Variants in LACTB2 observed in about 807,000 individuals in gnomAD.
LACTB2 encodes the protein endoribonuclease LACTB2.
A neutral mutation model predicts 34.8 loss-of-function variants in LACTB2; 32 were observed. The ratio of observed to expected loss-of-function variants is 0.92; its 90% CI spans 0.69 to 1.24. The LOEUF is 1.24. Ranked by LOEUF, LACTB2 falls within the 50% of genes most tolerant of loss-of-function variation. LACTB2 has a pLI of 0.00. For missense variants in LACTB2, 320 were observed against 345.0 expected, an observed-to-expected ratio of 0.93 and a Z score of 0.57; for synonymous variants, 120 against 117.5, an observed-to-expected ratio of 1.02 and a Z score of -0.14.
At chr8:70,655,921 C>A (rs189784137) in intron 3 of LACTB2, among the ~76,000 whole-genome samples, 9 of 152,012 alleles carry the variant, frequency 5.9e-5, no homozygotes, top group Admixed American at 5.9e-4. Flanking sequence ...TATTGCATTG[C>A]GGTTTTGATT....
At chr8:70,666,337 A>T (rs1197472792) in intron 1 of LACTB2, among the ~76,000 whole-genome samples, 1 of 152,178 alleles carries the variant, frequency 6.6e-6, no homozygotes, top group African/African-American at 2.4e-5. Context: ...ATACAGTCTG[A>T]TGGGTCAGGG....
At chr8:70,639,775 C>A (rs1818172828) in intron 5 of LACTB2, among the ~76,000 whole-genome samples, 1 of 151,758 alleles carries the variant, frequency 6.6e-6, no homozygotes. Flanking sequence ...CCAGTCTGAC[C>A]AACATTGAGA....
chr8:70,662,624 G>A (rs1387156656), intron 1 of LACTB2: 1 of 152,112 alleles, frequency 6.6e-6, no homozygotes, highest in Admixed American at 6.5e-5. Flanking sequence ...ACGATTTTAT[G>A]AGGTGGCCTT....
At chr8:70,640,114 T>C (rs571357047) in intron 5 of LACTB2, among the ~76,000 whole-genome samples, 1 of 152,290 alleles carries the variant, frequency 6.6e-6, no homozygotes, top group African/African-American at 2.4e-5. Context: ...GCATGTTCCA[T>C]GACACCTGGC....
Position 70,637,780 on chromosome 8 carries a change from T to C in LACTB2, c.*80A>G, listed in dbSNP as rs766178179. 145 of 779,022 alleles carry C rather than the reference T, an allele frequency of 1.9e-4. No individual in the cohort carries two copies. The highest frequency in any genetic ancestry group is 2.8e-4 in the Non-Finnish European group (142 of 501,202). The allele number at this position is 779,022 out of a possible 1,614,324, so 48.3% of individuals were successfully genotyped here. A position where few individuals can be genotyped will look rare whatever the true frequency, so the allele number is the denominator to read the frequency against. The stretch of plus-strand genomic sequence containing the variant: ...TTTTTAATGTTTTATACTTTTATAT[T>C]CTCTATAAAATAACCTATAGTTAAG... On this transcript the variant is annotated 3_prime_UTR_variant, in exon 7 of 7. Transcript: ENST00000276590.
At chr8:70,664,603 T>G (rs897476439) in intron 1 of LACTB2, among the ~76,000 whole-genome samples, 2 of 152,112 alleles carry the variant, frequency 1.3e-5, no homozygotes, top group Non-Finnish European at 2.9e-5. Flanking sequence ...AAAAAAGTTC[T>G]GGAATTAATA....
intron 3 of LACTB2, among the ~76,000 whole-genome samples, chr8:70,645,077 CAT>C (rs951764612): frequency 2.0e-5 from 3 of 151,718 alleles, no homozygotes; most frequent in African/African-American, 4.8e-5. Flanking sequence ...CACACACACA[CAT>C]ATACACATAT....
At position 70,661,914 on chromosome 8, in the gene LACTB2, A is replaced by G. The variant is rs757487669; in HGVS notation, c.123-17T>C. 13 of 1,589,294 alleles carry G rather than the reference A, an allele frequency of 8.2e-6. No individual in the cohort carries two copies. The Admixed American group carries it at 2.2e-4, about 27-fold the overall frequency. On this transcript the variant is annotated splice_polypyrimidine_tract_variant and intron_variant, in intron 1 of 6. Coordinates refer to ENST00000276590, the MANE Select transcript of LACTB2 (RefSeq NM_016027.3). ...AGGATTCTCCTGAAAATTAAATGGA[A>G]GATAATCACACAATTGGAACACTGC... is the stretch of plus-strand genomic sequence containing the variant.
At chr8:70,648,621 T>C (rs116213563) in intron 3 of LACTB2, among the ~76,000 whole-genome samples, 3,312 of 151,908 alleles carry the variant, frequency 0.022, 134 homozygotes, top group African/African-American at 0.076. Context: ...AACAAAATAA[T>C]AGGAATTTTA....
At chr8:70,643,208 CTTTTTTTTTTTTTTTTTTTTTTT>C (rs66482767) in intron 4 of LACTB2, among the ~76,000 whole-genome samples, 1 of 76,194 alleles carries the variant, frequency 1.3e-5, no homozygotes, top group Non-Finnish European at 2.5e-5. Flanking sequence ...GTGTATTTTC[CTTTTTTTTTTTTTTTTTTTTTTT>C]TTTTTTTTTT....
Position 70,640,959 on chromosome 8 carries a change from AAAT to A in LACTB2, c.681_683del (p.Leu227del), listed in dbSNP as rs1818189783. 4 of 1,609,192 alleles carry A rather than the reference AAAT, an allele frequency of 2.5e-6. No homozygotes were observed. Among genetic ancestry groups the A allele is most frequent in the Non-Finnish European group, 3.4e-6 (4 of 1,178,554 alleles). ...TAAATGATTTCTCAAAGTTCTCACG[AAAT>A]AATGTAAGAATTTGCTGCTCTCGAA... On this transcript the variant is annotated inframe_deletion, in exon 5 of 7. Coordinates refer to ENST00000276590, the MANE Select transcript of LACTB2 (RefSeq NM_016027.3).
In LACTB2 at chr8:70,669,104, T is replaced by G. The variant is rs774953811; in HGVS notation, c.17A>C (p.Gln6Pro). ...TCGATTGGACAGCCGCTCGACGCGC[T>G]GCAGTACAGCAGCCATTCCCGCCTC... MAAVLQRVERLSNRVV... is the reference protein window; with the variant it reads MAAVLPRVERLSNRVV... The change falls in exon 1 of 7, where the codon CAG (glutamine) becomes CCG (proline). Residue 6 changes from glutamine to proline, a missense_variant. Coordinates refer to ENST00000276590, the MANE Select transcript of LACTB2 (RefSeq NM_016027.3). 3.1e-6 allele frequency: 5 copies of G among 1,609,152 alleles called. No individual in the cohort carries two copies. Among genetic ancestry groups the G allele is most frequent in the Non-Finnish European group, 4.2e-6 (5 of 1,178,266 alleles).
intron 3 of LACTB2, among the ~76,000 whole-genome samples, chr8:70,648,634 A>G (rs1818296801): frequency 6.6e-6 from 1 of 152,188 alleles, no homozygotes; most frequent in Admixed American, 6.5e-5. Context: ...GAATTTTAGT[A>G]AATGAAACAG....
At chr8:70,660,849 C>T (rs1398669722) in intron 2 of LACTB2, 1 of 455,958 alleles carries the variant, frequency 2.2e-6, no homozygotes, top group Non-Finnish European at 4.4e-6. Context: ...ACAATATTGG[C>T]TTACTGCAGC....
chr8:70,648,104 C>G (rs371172553), intron 3 of LACTB2, among the ~76,000 whole-genome samples: 1 of 152,166 alleles, frequency 6.6e-6, no homozygotes, highest in Non-Finnish European at 1.5e-5. Context: ...AAAGACTCTA[C>G]GATACCAATG....
intron 1 of LACTB2, among the ~76,000 whole-genome samples, chr8:70,667,146 A>G (rs1818540373): frequency 6.6e-6 from 1 of 152,258 alleles, no homozygotes; most frequent in Non-Finnish European, 1.5e-5. Flanking sequence ...TCAAGGTGAA[A>G]GAGAAAGAGC....
chr8:70,647,053 T>C lies in LACTB2; in HGVS notation c.414-2810A>G, dbSNP rs557499193. 4.0e-4 allele frequency among the ~76,000 whole-genome samples: 61 copies of C among 152,326 alleles called. 1 individual carries two copies. In the South Asian group the frequency reaches 0.013, roughly 32 times the overall value. On this transcript the variant is annotated intron_variant, in intron 3 of 6. Coordinates refer to ENST00000276590, the MANE Select transcript of LACTB2 (RefSeq NM_016027.3). ...ATTTACACAAATTACATTTAATCCTTACACTACTTTGGGTTGGGCATTATT... is the reference window on the plus strand; with the variant it reads ...ATTTACACAAATTACATTTAATCCTCACACTACTTTGGGTTGGGCATTATT...
chr8:70,653,365 G>A (rs1000725410), intron 3 of LACTB2, among the ~76,000 whole-genome samples: 2 of 152,044 alleles, frequency 1.3e-5, no homozygotes, highest in African/African-American at 4.8e-5. Context: ...AAAGTACTGG[G>A]ATTACAGGTG....
In LACTB2 at chr8:70,658,920, G is replaced by A. The variant is rs538939789; in HGVS notation, c.287-1038C>T. ...TGTGCACCTAACGTCCCAGATACTCGGGAGGCTGAGGCAGGAGAATCGAAT... is the reference window on the plus strand; with the variant it reads ...TGTGCACCTAACGTCCCAGATACTCAGGAGGCTGAGGCAGGAGAATCGAAT... On this transcript the variant is annotated intron_variant, in intron 2 of 6. Coordinates refer to ENST00000276590, the MANE Select transcript of LACTB2 (RefSeq NM_016027.3). Among the ~76,000 whole-genome samples the A allele has an allele frequency of 3.9e-5, 6 of 152,210 alleles. No homozygotes were observed. The South Asian group carries it at 6.2e-4, about 16-fold the overall frequency.
Sources: gnomAD v4.1 joint callset for allele counts (sites outside exome capture counted in the v4.1 genomes callset) on GRCh38, gnomAD v4.1.1 for gene constraint, MANE v1.5 for transcripts, NCBI Gene and HGNC (gene_info 2026-07-23, HGNC 2026-07-21) for gene names.